The following CNBD1 variants were observed in gnomAD, a reference collection of about 807,000 sequenced individuals.
CNBD1 encodes cyclic nucleotide binding domain containing 1, also known as cyclic nucleotide-binding domain-containing protein 1.
A neutral mutation model predicts 54.4 loss-of-function variants in CNBD1; 71 were observed. The ratio of observed to expected loss-of-function variants is 1.30; its 90% confidence interval spans 1.08 to 1.59. The LOEUF (loss-of-function observed/expected upper bound fraction) is 1.59. CNBD1 is among the 40% of genes most tolerant of loss of function. The pLI, the probability that CNBD1 is intolerant of heterozygous loss-of-function variation, is 0.00. For synonymous variants in CNBD1, 182 were observed against 170.7 expected, an observed-to-expected ratio of 1.07 and a Z score of -0.51; for missense variants, 659 against 518.0, an observed-to-expected ratio of 1.27 and a Z score of -2.64.
chr8:87,368,013 T>C (rs1230859777), intron 10 of CNBD1, among the ~76,000 whole-genome samples: 1 of 151,866 alleles, frequency 6.6e-6, no homozygotes, highest in Non-Finnish European at 1.5e-5. Flanking sequence ...AAGACAAAAA[T>C]TAGCTGGGCA....
downstream of CNBD1, among the ~76,000 whole-genome samples, chr8:87,383,473 T>C (rs1347533729): frequency 6.6e-6 from 1 of 152,126 alleles, no homozygotes; most frequent in Non-Finnish European, 1.5e-5. Flanking sequence ...CAGTTTAATT[T>C]TTCTGTCATT....
intron 2 of CNBD1, among the ~76,000 whole-genome samples, chr8:87,391,294 T>C (rs896876614): frequency 3.3e-5 from 5 of 151,976 alleles, no homozygotes; most frequent in African/African-American, 1.2e-4. Flanking sequence ...ATACCTCAAA[T>C]TGATGCACAA....
intron 4 of CNBD1, among the ~76,000 whole-genome samples, chr8:87,103,481 GA>G (rs1811472553): frequency 6.6e-6 from 1 of 152,212 alleles, no homozygotes. Context: ...TATAAGGAAA[GA>G]GGTTTAATTG....
At chr8:87,224,580 C>G (rs1228715335) in intron 5 of CNBD1, among the ~76,000 whole-genome samples, 2 of 151,454 alleles carry the variant, frequency 1.3e-5, no homozygotes, top group Non-Finnish European at 2.9e-5. Context: ...TCTGAGGGCT[C>G]TGTTCTGTTC....
intron 4 of CNBD1, among the ~76,000 whole-genome samples, chr8:86,961,532 G>C (rs879918329): frequency 1.3e-5 from 2 of 152,238 alleles, no homozygotes; most frequent in Non-Finnish European, 2.9e-5. Context: ...ATTCTAAGGA[G>C]GGTTTAGTAC....
intron 2 of CNBD1, among the ~76,000 whole-genome samples, chr8:87,412,528 C>T (rs1408684083): frequency 1.3e-5 from 2 of 152,028 alleles, no homozygotes; most frequent in Admixed American, 6.6e-5. Context: ...ATAATTATTT[C>T]CCGAATGCAC....
intron 4 of CNBD1, among the ~76,000 whole-genome samples, chr8:86,943,387 A>AAAAG (rs1432264494): frequency 6.6e-6 from 1 of 151,334 alleles, no homozygotes; most frequent in Non-Finnish European, 1.5e-5. Flanking sequence ...AAAAAAAAAA[A>AAAAG]AAAGAAATGC....
intron 4 of CNBD1, among the ~76,000 whole-genome samples, chr8:87,183,522 A>T (rs902087210): frequency 6.7e-6 from 1 of 149,702 alleles, no homozygotes; most frequent in East Asian, 2.0e-4. Context: ...TCTGAATTCT[A>T]TGTCTGTTGT....
At chr8:87,348,459 T>C (rs2130925482) in intron 8 of CNBD1, among the ~76,000 whole-genome samples, 1 of 152,256 alleles carries the variant, frequency 6.6e-6, no homozygotes, top group South Asian at 2.1e-4. Flanking sequence ...TCAGAAAACA[T>C]TCTCAAAAGG....
intron 4 of CNBD1, among the ~76,000 whole-genome samples, chr8:87,157,779 T>C (rs1349555021): frequency 6.6e-6 from 1 of 152,290 alleles, no homozygotes; most frequent in East Asian, 1.9e-4. Flanking sequence ...CCTAGCACAT[T>C]TGCCTATTTT....
chr8:87,254,379 T>C (rs1176088291), intron 6 of CNBD1, among the ~76,000 whole-genome samples: 1 of 152,178 alleles, frequency 6.6e-6, no homozygotes, highest in Non-Finnish European at 1.5e-5. Flanking sequence ...AATCAAAGCA[T>C]TTCTGTTTAA....
At chr8:86,967,967 A>G (rs1422877625) in intron 4 of CNBD1, among the ~76,000 whole-genome samples, 1 of 152,024 alleles carries the variant, frequency 6.6e-6, no homozygotes, top group African/African-American at 2.4e-5. Flanking sequence ...AAAGTGTTTT[A>G]TAGCCCTGTG....
intron 4 of CNBD1, among the ~76,000 whole-genome samples, chr8:87,078,128 C>T (rs186941296): frequency 2.0e-5 from 3 of 152,096 alleles, no homozygotes; most frequent in Admixed American, 6.6e-5. Flanking sequence ...TAGAATTGGG[C>T]AAGCTTCAGG....
chr8:87,368,927 CCTT>C (rs1810700622), intron 10 of CNBD1, among the ~76,000 whole-genome samples: 1 of 151,860 alleles, frequency 6.6e-6, no homozygotes, highest in African/African-American at 2.4e-5. Context: ...TCCCTCCCCT[CCTT>C]CTTTTCCTTC....
chr8:87,054,627 CGAAAG>C (rs1563451258), intron 4 of CNBD1, among the ~76,000 whole-genome samples: 1 of 152,132 alleles, frequency 6.6e-6, no homozygotes, highest in East Asian at 1.9e-4. Context: ...AGCCGCAAAA[CGAAAG>C]GAAGAAAATG....
intron 4 of CNBD1, among the ~76,000 whole-genome samples, chr8:87,044,904 A>G (rs373232500): frequency 2.0e-5 from 3 of 152,034 alleles, no homozygotes; most frequent in Non-Finnish European, 2.9e-5. Flanking sequence ...AGGCTGCTGT[A>G]TTTTTGCCTG....
chr8:87,416,032 G>A (rs1353302945), intron 2 of CNBD1, among the ~76,000 whole-genome samples: 1 of 151,412 alleles, frequency 6.6e-6, no homozygotes, highest in East Asian at 1.9e-4. Flanking sequence ...TAGATTTCAA[G>A]GCGGAAAAAA....
At chr8:87,123,793 C>A (rs1483456988) in intron 4 of CNBD1, among the ~76,000 whole-genome samples, 1 of 151,280 alleles carries the variant, frequency 6.6e-6, no homozygotes, top group East Asian at 1.9e-4. Flanking sequence ...AAAGATGACT[C>A]AACTAAATAA....
intron 2 of CNBD1, among the ~76,000 whole-genome samples, chr8:87,418,938 A>T (rs1807880557): frequency 6.6e-6 from 1 of 151,918 alleles, no homozygotes. Context: ...TGACTCAGCA[A>T]TTCCACTTCT....
Sources: gnomAD v4.1 joint callset for allele counts (sites outside exome capture counted in the v4.1 genomes callset) on GRCh38, gnomAD v4.1.1 for gene constraint, MANE v1.5 for transcripts, NCBI Gene and HGNC (gene_info 2026-07-23, HGNC 2026-07-21) for gene names.